Variants in SLC2A3 observed in about 807,000 individuals in gnomAD.
The protein encoded by SLC2A3 is solute carrier family 2 member 3.
In SLC2A3, 21 loss-of-function variants were observed where a neutral mutation model predicts 46.4. That is an observed-to-expected ratio of 0.45 (90% CI 0.32 to 0.65). The LOEUF (loss-of-function observed/expected upper bound fraction) is 0.65. Ranked by LOEUF, SLC2A3 falls within the 30% of genes least tolerant of loss-of-function variation. The probability of loss-of-function intolerance (pLI) is 0.04; values close to 1 mark genes in which losing one functional copy is unlikely to be tolerated. For synonymous variants in SLC2A3, 213 were observed against 239.4 expected, an observed-to-expected ratio of 0.89 and a Z score of 1.02; for missense variants, 499 against 623.3, an observed-to-expected ratio of 0.80 and a Z score of 2.12.
intron 1 of SLC2A3, 106 bp downstream of exon 1, chr12:7,935,914 G>T: frequency 1.0e-6 from 1 of 957,770 alleles, no homozygotes; most frequent in Non-Finnish European, 1.7e-6. Context: ...CCTTAAGATA[G>T]CTTGGTGACT....
chr12:7,924,512 C>T lies in SLC2A3; in HGVS notation c.967-1G>A. 6.3e-7 allele frequency: 1 copy of T among 1,595,554 alleles called. No homozygotes were observed. Among genetic ancestry groups the T allele is most frequent in the Non-Finnish European group, 8.5e-7 (1 of 1,173,930 alleles). ...TTCCTGCCCTTTCCACCAGAAATAG[C>T]TGGAAGAAGAATATGACATGAAACT... On this transcript the variant is annotated splice_acceptor_variant, in intron 7 of 9. Coordinates refer to ENST00000075120, the MANE Select transcript of SLC2A3 (RefSeq NM_006931.3). LOFTEE classifies it high-confidence loss of function.
intron 2 of SLC2A3, 130 bp from the exon 3 acceptor site, chr12:7,933,277 A>T (rs1017298066): frequency 7.9e-5 from 80 of 1,017,592 alleles, no homozygotes; most frequent in Non-Finnish European, 2.6e-5. Context: ...GGGGCAGATA[A>T]CGTATTGGAA....
At chr12:7,923,493 T>C (rs899581004) in intron 8 of SLC2A3, among the ~76,000 whole-genome samples, 5 of 152,072 alleles carry the variant, frequency 3.3e-5, no homozygotes, top group Non-Finnish European at 7.4e-5. Context: ...CACGTGCCTA[T>C]AATCCCAGCT....
intron 6 of SLC2A3, among the ~76,000 whole-genome samples, chr12:7,927,653 CAG>C (rs1224659745): frequency 6.6e-6 from 1 of 152,116 alleles, no homozygotes; most frequent in Non-Finnish European, 1.5e-5. Context: ...GTCTCTTACA[CAG>C]AGATTCTCAA....
chr12:7,926,936 A>G (rs1296475290), intron 6 of SLC2A3, among the ~76,000 whole-genome samples: 2 of 152,162 alleles, frequency 1.3e-5, no homozygotes, highest in South Asian at 4.1e-4. Flanking sequence ...CATAGTTAAG[A>G]GATATTAAAA....
At chr12:7,932,168 C>T (rs1004767854) in intron 3 of SLC2A3, among the ~76,000 whole-genome samples, 5 of 151,332 alleles carry the variant, frequency 3.3e-5, no homozygotes, top group African/African-American at 4.9e-5. Context: ...GCGTGAGCCA[C>T]GGCACCGGCT....
chr12:7,927,822 T>A (rs1348715616), intron 6 of SLC2A3, among the ~76,000 whole-genome samples: 7 of 152,122 alleles, frequency 4.6e-5, no homozygotes, highest in African/African-American at 1.7e-4. Flanking sequence ...GTCACACCTG[T>A]AAGGCCGGCA....
chr12:7,927,993 A>G (rs929387273), intron 6 of SLC2A3, among the ~76,000 whole-genome samples: 2 of 151,972 alleles, frequency 1.3e-5, no homozygotes, highest in South Asian at 4.2e-4. Flanking sequence ...TCCCACCTGT[A>G]ATCTCGGGAG....
At chr12:7,930,062 T>G in intron 5 of SLC2A3, 191 bp from the exon 6 acceptor site, 1 of 1,212,410 alleles carries the variant, frequency 8.2e-7, no homozygotes, top group Non-Finnish European at 1.1e-6. Flanking sequence ...CTCAGCTCCC[T>G]GCAACCTCCA....
rs921523953 is a variant in SLC2A3, at chr12:7,924,344, T to A, written c.1068+66A>T. 1.4e-4 allele frequency: 218 copies of A among 1,575,020 alleles called. 1 individual carries two copies. Among genetic ancestry groups the A allele is most frequent in the Non-Finnish European group, 1.8e-4 (206 of 1,166,372 alleles). On this transcript the variant is annotated intron_variant, in intron 8 of 9. Transcript: ENST00000075120. ...CAACCTTAACAACCCACCCCTTGTG[T>A]CACAGAAGTCAACTGTAACCTCTCT...
At chr12:7,934,267 TAAG>T (rs893998748) in intron 1 of SLC2A3, among the ~76,000 whole-genome samples, 14 of 152,212 alleles carry the variant, frequency 9.2e-5, no homozygotes, top group Admixed American at 8.5e-4. Context: ...GTAGGATTAC[TAAG>T]AATTGACCAT....
rs1946018966 is a variant in SLC2A3 at position 7,919,957 on chromosome 12, G to A, written c.*1456C>T. On this transcript the variant is annotated 3_prime_UTR_variant, in exon 10 of 10. Transcript: ENST00000075120. ...AGTGCACATACATTCATCCTCTCAAGTGTGGGCTACACTGCACATTGACTC... is the reference window on the plus strand; with the variant it reads ...AGTGCACATACATTCATCCTCTCAAATGTGGGCTACACTGCACATTGACTC... 1 of 152,136 alleles carries A rather than the reference G, an allele frequency of 6.6e-6. No homozygotes were observed. The highest frequency in any genetic ancestry group is 2.4e-5 in the African/African-American group (1 of 41,408). The allele number at this position is 152,136 out of a possible 1,614,324, so 9.4% of individuals were successfully genotyped here.
intron 3 of SLC2A3, 99 bp downstream of exon 3, chr12:7,932,885 GTTC>G: frequency 2.0e-6 from 3 of 1,500,306 alleles, no homozygotes; most frequent in Non-Finnish European, 2.7e-6. Context: ...AATTCAAGGT[GTTC>G]TTATTCAAAG....
Position 7,920,499 on chromosome 12 carries a change from T to C in SLC2A3, c.*914A>G, listed in dbSNP as rs1378462144. 1 of 152,124 alleles carries C rather than the reference T, an allele frequency of 6.6e-6. No individual in the cohort carries two copies. Among genetic ancestry groups the C allele is most frequent in the Admixed American group, 6.6e-5 (1 of 15,264 alleles). 9.4% of individuals were successfully genotyped at this position (152,124 alleles called of 1,614,324 possible). The stretch of plus-strand genomic sequence containing the variant: ...CCCATATTAGTTAATAATCCTAGAT[T>C]TCAAGTACTACTACATGTAAACTAT... On this transcript the variant is annotated 3_prime_UTR_variant, in exon 10 of 10. Coordinates refer to ENST00000075120, the MANE Select transcript of SLC2A3 (RefSeq NM_006931.3).
intron 6 of SLC2A3, among the ~76,000 whole-genome samples, chr12:7,928,660 C>A (rs1436125258): frequency 6.6e-6 from 1 of 152,024 alleles, no homozygotes; most frequent in East Asian, 1.9e-4. Context: ...TTGCACGTAG[C>A]TGCCTCACCT....
At chr12:7,928,062 C>A (rs553090164) in intron 6 of SLC2A3, among the ~76,000 whole-genome samples, 291 of 150,982 alleles carry the variant, frequency 1.9e-3, no homozygotes, top group Middle Eastern at 0.01. Context: ...GCTGAGATTG[C>A]GCCACAGCAC....
At chr12:7,929,458 TTTTTTTTCC>T (rs1946129832) in intron 6 of SLC2A3, 1 of 621,258 alleles carries the variant, frequency 1.6e-6, no homozygotes, top group African/African-American at 1.8e-5. Context: ...AGGGTCTTTT[TTTTTTTTCC>T]TTTTTTTAAA....
chr12:7,920,038 A>AT lies in SLC2A3; in HGVS notation c.*1374dup, dbSNP rs1340009810. On this transcript the variant is annotated 3_prime_UTR_variant, in exon 10 of 10. Transcript: ENST00000075120. ...TTCAAGTCCCCTGAGGGCATTCGGCATAGGACCACAGTGACATGGTAACAG... is the reference window on the plus strand; with the variant it reads ...TTCAAGTCCCCTGAGGGCATTCGGCATTAGGACCACAGTGACATGGTAACAG... The AT allele has an allele frequency of 3.3e-5, 5 of 152,310 alleles. No individual in the cohort carries two copies. The highest frequency in any genetic ancestry group is 7.3e-5 in the Non-Finnish European group (5 of 68,044). The allele number at this position is 152,310 out of a possible 1,614,324, so 9.4% of individuals were successfully genotyped here. A position where few individuals can be genotyped will look rare whatever the true frequency, so the allele number is the denominator to read the frequency against.
At chr12:7,923,573 C>T (rs1592353897) in intron 8 of SLC2A3, among the ~76,000 whole-genome samples, 1 of 151,998 alleles carries the variant, frequency 6.6e-6, no homozygotes, top group South Asian at 2.1e-4. Flanking sequence ...TGAGATCCTG[C>T]CACTGCTCTC....
Sources: allele counts gnomAD v4.1 joint callset (sites outside exome capture counted in the v4.1 genomes callset), GRCh38; gene constraint gnomAD v4.1.1; transcripts MANE v1.5; gene names NCBI Gene and HGNC (gene_info 2026-07-23, HGNC 2026-07-21).